Variants in NEDD4L observed in about 807,000 individuals in gnomAD.
NEDD4L encodes the protein NEDD4 like E3 ubiquitin protein ligase.
Under a neutral mutation model 148.9 loss-of-function variants are expected in NEDD4L, and 54 were observed. The observed-to-expected ratio is 0.36, with a 90% CI of 0.29 to 0.45. The LOEUF (loss-of-function observed/expected upper bound fraction) is 0.45. NEDD4L is among the 20% of genes least tolerant of loss of function. The pLI, the probability that NEDD4L is intolerant of heterozygous loss-of-function variation, is 1.00. For synonymous variants in NEDD4L, 433 were observed against 440.7 expected, an observed-to-expected ratio of 0.98 and a Z score of 0.22; for missense variants, 856 against 1,233.8, an observed-to-expected ratio of 0.69 and a Z score of 4.59.
At chr18:58,053,982 C>T (rs1198219396) in intron 1 of NEDD4L, among the ~76,000 whole-genome samples, 2 of 152,232 alleles carry the variant, frequency 1.3e-5, no homozygotes, top group African/African-American at 4.8e-5. Context: ...CCGGTGAGGG[C>T]AGACTTTGGG....
At chr18:58,214,721 A>G (rs2042970524) in intron 2 of NEDD4L, among the ~76,000 whole-genome samples, 1 of 146,470 alleles carries the variant, frequency 6.8e-6, no homozygotes, top group Non-Finnish European at 1.5e-5. Context: ...TTTTTTCTCT[A>G]ATTAATAGAT....
At chr18:58,199,574 A>G (rs374283334) in intron 2 of NEDD4L, among the ~76,000 whole-genome samples, 2 of 152,188 alleles carry the variant, frequency 1.3e-5, no homozygotes, top group Non-Finnish European at 2.9e-5. Flanking sequence ...TGAGCCCAGC[A>G]GTTTGAGACC....
chr18:58,212,293 C>G (rs921241077), intron 2 of NEDD4L, among the ~76,000 whole-genome samples: 3 of 151,838 alleles, frequency 2.0e-5, no homozygotes, highest in Admixed American at 1.3e-4. Flanking sequence ...TATTAGTTCT[C>G]ATACTGCTAA....
At chr18:58,081,840 A>G (rs1226611386) in intron 1 of NEDD4L, among the ~76,000 whole-genome samples, 1 of 152,018 alleles carries the variant, frequency 6.6e-6, no homozygotes, top group East Asian at 1.9e-4. Context: ...TTTCTCCATA[A>G]CAAATGCGTT....
intron 1 of NEDD4L, among the ~76,000 whole-genome samples, chr18:58,140,004 C>T (rs1178317214): frequency 6.6e-6 from 1 of 152,176 alleles, no homozygotes; most frequent in Admixed American, 6.5e-5. Context: ...TGGTTCAGTG[C>T]TCATTGTACT....
At chr18:58,159,273 G>A (rs576031657) in intron 1 of NEDD4L, among the ~76,000 whole-genome samples, 1 of 152,158 alleles carries the variant, frequency 6.6e-6, no homozygotes, top group South Asian at 2.1e-4. Flanking sequence ...AGAGCACCGA[G>A]GATTTTTAGG....
At chr18:58,178,577 C>G (rs2038445212) in intron 2 of NEDD4L, among the ~76,000 whole-genome samples, 1 of 152,136 alleles carries the variant, frequency 6.6e-6, no homozygotes, top group Admixed American at 6.5e-5. Context: ...GGACTTATGA[C>G]CTTAGTGTAA....
intron 1 of NEDD4L, among the ~76,000 whole-genome samples, chr18:58,130,669 G>C (rs965774715): frequency 1.3e-4 from 19 of 142,678 alleles, no homozygotes; most frequent in Non-Finnish European, 4.6e-5. Context: ...TGATCTAGCA[G>C]AACAGTGGCG....
At chr18:58,378,830 CA>C (rs1224519038) in intron 24 of NEDD4L, among the ~76,000 whole-genome samples, 1 of 152,204 alleles carries the variant, frequency 6.6e-6, no homozygotes, top group Non-Finnish European at 1.5e-5. Context: ...AGCAGCTTCC[CA>C]GGCAGCGCAA....
chr18:58,111,732 A>T (rs572966516), intron 1 of NEDD4L, among the ~76,000 whole-genome samples: 1 of 152,330 alleles, frequency 6.6e-6, no homozygotes, highest in Admixed American at 6.5e-5. Context: ...TTATCCATTT[A>T]TCAGTTGATG....
chr18:58,292,363 G>T (rs2054886810), intron 5 of NEDD4L, among the ~76,000 whole-genome samples: 1 of 152,068 alleles, frequency 6.6e-6, no homozygotes, highest in Non-Finnish European at 1.5e-5. Context: ...GTCCTCTCCT[G>T]GGTGGCATTT....
At position 58,145,897 on chromosome 18, in the gene NEDD4L, A is replaced by ATT. The variant is rs71985426; in HGVS notation, c.49-19885_49-19884dup. Reference sequence around the variant, plus strand: ...TCAGTCAGGTGATTGAAAAATGTACATTTTTTTAAAATTGGCATTTATTAG... The same window carrying ATT: ...TCAGTCAGGTGATTGAAAAATGTACATTTTTTTTTAAAATTGGCATTTATTAG... On this transcript the variant is annotated intron_variant, in intron 1 of 30. Coordinates refer to ENST00000400345, the MANE Select transcript of NEDD4L (RefSeq NM_001144967.3). Among the ~76,000 whole-genome samples the ATT allele has an allele frequency of 2.6e-5, 4 of 151,720 alleles. No homozygotes were observed. The East Asian group carries it at 5.8e-4, about 22-fold the overall frequency.
chr18:58,124,689 T>C lies in NEDD4L; in HGVS notation c.49-41099T>C, dbSNP rs141008330. 1.7e-3 allele frequency among the ~76,000 whole-genome samples: 259 copies of C among 152,308 alleles called. 2 individuals carry two copies. The highest frequency in any genetic ancestry group is 6.0e-3 in the African/African-American group (251 of 41,576). On this transcript the variant is annotated intron_variant, in intron 1 of 30. Transcript: ENST00000400345. ...CAGATCTGCCTTCACCACCACATCC[T>C]GCCCACTGTCACTAAACGGCACCAG...
chr18:58,323,282 CA>C lies in NEDD4L; in HGVS notation c.467del (p.Asn156MetfsTer51). On this transcript the variant is annotated frameshift_variant, in exon 8 of 31. Transcript: ENST00000400345. LOFTEE classifies it high-confidence loss of function. ...TTGCGATTGAAAATGGCCTATATGC[CA>C]AAAAATGGAGGTCAAGATGAAGAAA... Reference protein sequence around the residue: ...GFLRLKMAYMPKNGGQDEENS... With the variant: ...GFLRLKMAYMXKNGGQDEENS... 1.9e-6 allele frequency: 3 copies of C among 1,604,356 alleles called. No homozygotes were observed. The highest frequency in any genetic ancestry group is 2.3e-5 in the South Asian group (2 of 88,614).
rs2041367899 is a variant in NEDD4L at position 58,201,205 on chromosome 18, T to C, written c.122+35344T>C. ...AAAATTAGCCAGGCATGGTGGTGCC[T>C]GCCTGTAATCCCAGCTACTTGGGAA... On this transcript the variant is annotated intron_variant, in intron 2 of 30. Transcript: ENST00000400345. 1.3e-5 allele frequency among the ~76,000 whole-genome samples: 2 copies of C among 152,032 alleles called. 1 individual carries two copies. The highest frequency in any genetic ancestry group is 4.1e-4 in the South Asian group (2 of 4,820).
intron 1 of NEDD4L, chr18:58,165,564 T>A: frequency 2.7e-6 from 2 of 745,206 alleles, no homozygotes; most frequent in Non-Finnish European, 3.3e-6. Context: ...ATTAAACTTG[T>A]GCTTAATTAA....
At chr18:58,098,574 G>C (rs905158218) in intron 1 of NEDD4L, among the ~76,000 whole-genome samples, 1 of 152,084 alleles carries the variant, frequency 6.6e-6, no homozygotes, top group Non-Finnish European at 1.5e-5. Context: ...TTCCTCATCC[G>C]TATGATAGGA....
At chr18:58,167,348 C>T (rs2036983233) in intron 2 of NEDD4L, among the ~76,000 whole-genome samples, 1 of 152,224 alleles carries the variant, frequency 6.6e-6, no homozygotes, top group South Asian at 2.1e-4. Context: ...TCTTCCCTTT[C>T]AGAGCAACAC....
intron 7 of NEDD4L, 26 bp from the exon 8 acceptor site, chr18:58,323,206 C>A (rs1279264436): frequency 2.1e-6 from 3 of 1,412,802 alleles, no homozygotes; most frequent in Middle Eastern, 1.7e-4. Context: ...ACCCTTCTAA[C>A]CAATTTTCTT....
Sources: allele counts gnomAD v4.1 joint callset (sites outside exome capture counted in the v4.1 genomes callset), GRCh38; gene constraint gnomAD v4.1.1; transcripts MANE v1.5; gene names NCBI Gene and HGNC (gene_info 2026-07-23, HGNC 2026-07-21).